Variants in SPAG17 observed in about 807,000 individuals in gnomAD.
SPAG17 encodes sperm-associated antigen 17.
A neutral mutation model predicts 273.6 loss-of-function variants in SPAG17; 169 were observed. That is an observed-to-expected ratio of 0.62 (90% CI 0.55 to 0.70). The LOEUF is 0.70. Among genes scored for constraint, SPAG17 ranks in the 30% least tolerant of loss-of-function variants. The pLI is 0.00. For missense variants in SPAG17, 2,557 were observed against 2,627.8 expected, an observed-to-expected ratio of 0.97 and a Z score of 0.59; for synonymous variants, 825 against 873.2, an observed-to-expected ratio of 0.94 and a Z score of 0.97.
At chr1:117,996,872 G>A in intron 32 of SPAG17, 129 bp from the exon 33 acceptor site, 4 of 940,370 alleles carry the variant, frequency 4.3e-6, no homozygotes, top group Middle Eastern at 3.5e-4. Flanking sequence ...TTATTTGCAA[G>A]GTATTGTTTA....
At chr1:118,029,434 C>T (rs1648167958) in intron 25 of SPAG17, among the ~76,000 whole-genome samples, 1 of 151,962 alleles carries the variant, frequency 6.6e-6, no homozygotes, top group African/African-American at 2.4e-5. Flanking sequence ...CCAACATCTC[C>T]AACATATTTT....
intron 15 of SPAG17, among the ~76,000 whole-genome samples, chr1:118,078,416 C>T (rs1468006602): frequency 3.3e-5 from 5 of 152,070 alleles, no homozygotes; most frequent in East Asian, 1.9e-4. Context: ...CTCAGCACTC[C>T]AGACATCTTA....
At chr1:118,136,134 C>A (rs1424470604) in intron 3 of SPAG17, among the ~76,000 whole-genome samples, 1 of 152,196 alleles carries the variant, frequency 6.6e-6, no homozygotes, top group Non-Finnish European at 1.5e-5. Context: ...TAAAAACCAT[C>A]TTCCAAATGT....
chr1:118,044,391 A>C (rs917067080), intron 20 of SPAG17, among the ~76,000 whole-genome samples: 21 of 152,072 alleles, frequency 1.4e-4, no homozygotes, highest in African/African-American at 4.3e-4. Flanking sequence ...AGGCTGAGGC[A>C]GGAGAATCAC....
Position 118,054,068 on chromosome 1 carries a change from C to A in SPAG17, c.2748G>T (p.Glu916Asp), listed in dbSNP as rs1356405194. The A allele has an allele frequency of 1.2e-6, 2 of 1,604,800 alleles. No individual in the cohort carries two copies. The highest frequency in any genetic ancestry group is 8.5e-7 in the Non-Finnish European group (1 of 1,174,722). The change falls in exon 20 of 49, where the codon GAG becomes GAT. Residue 916 changes from glutamate to aspartate, a missense_variant. Coordinates refer to ENST00000336338, the MANE Select transcript of SPAG17 (RefSeq NM_206996.4). ...CTTTTTCTTTTTCTTGATCTGATATCTCTGTTTTGCTGATTCCTTTGTTAC... is the reference window on the plus strand; with the variant it reads ...CTTTTTCTTTTTCTTGATCTGATATATCTGTTTTGCTGATTCCTTTGTTAC... ...SKSNKGISKT[E>D]ISDQEKEKEK... is the part of the protein sequence containing the mutation.
intron 47 of SPAG17, 194 bp from the exon 48 acceptor site, chr1:117,964,132 T>G: frequency 1.9e-6 from 1 of 538,076 alleles, no homozygotes; most frequent in Non-Finnish European, 3.3e-6. Context: ...CTAGAATGTC[T>G]TCTGTTCTCC....
chr1:118,053,926 C>G (rs1002979401), intron 20 of SPAG17, 76 bp downstream of exon 20: 1 of 1,094,742 alleles, frequency 9.1e-7, no homozygotes, highest in Admixed American at 2.2e-5. Flanking sequence ...CTCCCACTGC[C>G]CCAAAGTCAA....
At chr1:118,157,882 T>C (rs781374367) in intron 1 of SPAG17, among the ~76,000 whole-genome samples, 11 of 152,146 alleles carry the variant, frequency 7.2e-5, no homozygotes, top group Non-Finnish European at 1.6e-4. Flanking sequence ...AAAGATATTA[T>C]TTTGGGGGGC....
At chr1:117,977,833 C>G (rs1017785661) in intron 43 of SPAG17, among the ~76,000 whole-genome samples, 4 of 152,154 alleles carry the variant, frequency 2.6e-5, no homozygotes, top group Middle Eastern at 3.2e-3. Flanking sequence ...ATTTACTGAC[C>G]ACTCTCGATC....
intron 23 of SPAG17, 132 bp from the exon 24 acceptor site, chr1:118,037,015 C>G: frequency 1.6e-6 from 1 of 641,664 alleles, no homozygotes. Flanking sequence ...ATTGGTTTAG[C>G]TTGACCATGC....
intron 41 of SPAG17, 30 bp from the exon 42 acceptor site, chr1:117,983,943 T>A: frequency 8.5e-7 from 1 of 1,177,400 alleles, no homozygotes; most frequent in Non-Finnish European, 1.3e-6. Flanking sequence ...TATTTTAGAC[T>A]TATACATGGC....
intron 48 of SPAG17, among the ~76,000 whole-genome samples, chr1:117,954,302 G>T (rs1651841065): frequency 6.6e-6 from 1 of 152,082 alleles, no homozygotes; most frequent in Non-Finnish European, 1.5e-5. Flanking sequence ...GGAAATTACA[G>T]ATTGAGGTGA....
At chr1:117,958,655 G>T (rs1652567579) in intron 48 of SPAG17, among the ~76,000 whole-genome samples, 16 of 152,146 alleles carry the variant, frequency 1.1e-4, no homozygotes, top group Admixed American at 9.8e-4. Context: ...GCAGGTTGCT[G>T]GGCTGGAAGA....
intron 43 of SPAG17, among the ~76,000 whole-genome samples, chr1:117,977,173 T>C (rs948310785): frequency 6.9e-6 from 1 of 145,290 alleles, no homozygotes; most frequent in Non-Finnish European, 1.5e-5. Flanking sequence ...AAAAAAAAAT[T>C]AGCTGGGTGT....
chr1:118,091,836 T>TG, intron 9 of SPAG17, 94 bp downstream of exon 9: 1 of 1,399,936 alleles, frequency 7.1e-7, no homozygotes, highest in South Asian at 1.2e-5. Flanking sequence ...GAGCTGTAGG[T>TG]GAAGGGAGGC....
chr1:118,024,801 A>T (rs532872687), intron 27 of SPAG17, among the ~76,000 whole-genome samples: 143 of 152,232 alleles, frequency 9.4e-4, no homozygotes, highest in African/African-American at 3.0e-3. Flanking sequence ...ATTTTGCTGC[A>T]TGTTTTCCTC....
At chr1:118,092,141 T>C in intron 8 of SPAG17, 139 bp from the exon 9 acceptor site, 1 of 722,738 alleles carries the variant, frequency 1.4e-6, no homozygotes, top group Non-Finnish European at 2.4e-6. Context: ...CTGCTAATAT[T>C]AGAACCAAAG....
chr1:118,102,645 T>TA (rs1365237103), intron 4 of SPAG17, among the ~76,000 whole-genome samples: 2 of 152,222 alleles, frequency 1.3e-5, no homozygotes, highest in Non-Finnish European at 2.9e-5. Context: ...ATGTACCATG[T>TA]AAACATTAAT....
intron 17 of SPAG17, among the ~76,000 whole-genome samples, chr1:118,070,855 T>C (rs1238054330): frequency 6.6e-6 from 1 of 152,138 alleles, no homozygotes; most frequent in Non-Finnish European, 1.5e-5. Context: ...CTCAATTTGG[T>C]CTAGATTCAT....
Sources: allele counts gnomAD v4.1 joint callset (sites outside exome capture counted in the v4.1 genomes callset), GRCh38; gene constraint gnomAD v4.1.1; transcripts MANE v1.5; gene names NCBI Gene and HGNC (gene_info 2026-07-23, HGNC 2026-07-21).